Variants in RPTOR observed in about 807,000 individuals in gnomAD.
RPTOR encodes regulatory associated protein of MTOR complex 1.
RPTOR carries 21 observed loss-of-function variants against 169.9 expected under a neutral mutation model. That is an observed-to-expected ratio of 0.12 (90% CI 0.09 to 0.18). RPTOR has a LOEUF of 0.18. RPTOR is among the 10% of genes least tolerant of loss of function. The pLI is 1.00. For synonymous variants in RPTOR, 732 were observed against 753.2 expected (o/e 0.97, Z 0.46); for missense variants, 1,133 against 1,855.9 (o/e 0.61, Z 7.16).
rs1349652316 is a variant in RPTOR, at chr17:80,876,981, G to A, written c.1510-3434G>A. Among the ~76,000 whole-genome samples, 10 of 138,750 alleles carry A rather than the reference G, an allele frequency of 7.2e-5. No homozygotes were observed. The South Asian group carries it at 2.2e-3, about 30-fold the overall frequency. 91.0% of individuals were successfully genotyped at this position (138,750 alleles called of 152,430 possible). ...TGTGTCGCCTGCCGGGTCTTCCACC[G>A]AGCCCGTGCCATGCAGGGTGTGTGT... On this transcript the variant is annotated intron_variant, in intron 13 of 33. Coordinates refer to ENST00000306801, the MANE Select transcript of RPTOR (RefSeq NM_020761.3).
At chr17:80,678,136 A>G (rs1440036685) in intron 3 of RPTOR, among the ~76,000 whole-genome samples, 1 of 152,264 alleles carries the variant, frequency 6.6e-6, no homozygotes, top group East Asian at 1.9e-4. Context: ...GATGTTCTCC[A>G]TCTCCCCACT....
chr17:80,585,009 A>C (rs2065046986), intron 1 of RPTOR, among the ~76,000 whole-genome samples: 1 of 151,854 alleles, frequency 6.6e-6, no homozygotes, highest in South Asian at 2.1e-4. Flanking sequence ...CTTTCCCCCA[A>C]CTCTGTTACA....
chr17:80,696,651 G>A (rs946629559), intron 3 of RPTOR, among the ~76,000 whole-genome samples: 1 of 152,238 alleles, frequency 6.6e-6, no homozygotes, highest in African/African-American at 2.4e-5. Context: ...GGGCGCAGAA[G>A]GGACACAGGA....
chr17:80,755,745 A>G (rs1268789036), intron 6 of RPTOR, among the ~76,000 whole-genome samples: 13 of 150,564 alleles, frequency 8.6e-5, no homozygotes, highest in Non-Finnish European at 1.8e-4. Context: ...TCTCAAAAAA[A>G]AAAAAAAAAA....
rs2067711439 is a variant in RPTOR, at chr17:80,844,978, T to TG, written c.1213-1495_1213-1494insG. ...ATGGGAGAGAGAGGCTGGTAGTTGT[T>TG]TTTTTTTTTTTCTTTAATTCTTTGT... is the stretch of plus-strand genomic sequence containing the variant. On this transcript the variant is annotated intron_variant, in intron 10 of 33. Transcript: ENST00000306801. This position sits in a 1 kb window ranked among gnomAD's most constrained non-coding sequence, Gnocchi z 4.7. Among the ~76,000 whole-genome samples, 1 of 149,450 alleles carries TG rather than the reference T, an allele frequency of 6.7e-6. No homozygotes were observed. Among genetic ancestry groups the TG allele is most frequent in the Non-Finnish European group, 1.5e-5 (1 of 67,336 alleles).
chr17:80,634,515 G>GCGTACTGTGCA (rs2065479018), intron 2 of RPTOR, among the ~76,000 whole-genome samples: 1 of 148,138 alleles, frequency 6.8e-6, no homozygotes, highest in African/African-American at 2.6e-5. Context: ...TACTGTGTGT[G>GCGTACTGTGCA]TGTGCGTACT....
chr17:80,703,565 G>C (rs2143074849), intron 3 of RPTOR, among the ~76,000 whole-genome samples: 1 of 152,086 alleles, frequency 6.6e-6, no homozygotes, highest in East Asian at 1.9e-4. Context: ...GGATCAAGGA[G>C]ATATCCTTTA....
chr17:80,830,676 A>G lies in RPTOR; in HGVS notation c.1137-7246A>G, dbSNP rs534748253. Among the ~76,000 whole-genome samples the G allele has an allele frequency of 2.0e-5, 3 of 151,956 alleles. No homozygotes were observed. In the East Asian group the frequency reaches 5.8e-4, roughly 29 times the overall value. On this transcript the variant is annotated intron_variant, in intron 9 of 33. Coordinates refer to ENST00000306801, the MANE Select transcript of RPTOR (RefSeq NM_020761.3). Reference sequence around the variant, plus strand: ...CCAGTGGCTTCGAAAGGAGTTTGGTAGTTGAGGTGAGATCGCAGGTGCACT... The same window carrying G: ...CCAGTGGCTTCGAAAGGAGTTTGGTGGTTGAGGTGAGATCGCAGGTGCACT...
At chr17:80,850,545 G>A (rs545424873) in intron 11 of RPTOR, among the ~76,000 whole-genome samples, 1 of 152,262 alleles carries the variant, frequency 6.6e-6, no homozygotes, top group Non-Finnish European at 1.5e-5. Flanking sequence ...GAGTAGCTGG[G>A]ATATCAGGTG....
chr17:80,802,196 C>T (rs552391622), intron 7 of RPTOR: 1 of 152,296 alleles, frequency 6.6e-6, no homozygotes, highest in Non-Finnish European at 1.5e-5. Flanking sequence ...TACCCAAACC[C>T]TGGTATTTGT....
At chr17:80,568,919 C>T (rs2064874084) in intron 1 of RPTOR, among the ~76,000 whole-genome samples, 2 of 152,138 alleles carry the variant, frequency 1.3e-5, no homozygotes. Flanking sequence ...GCTGAAGTGA[C>T]CTCCCATGGT....
At chr17:80,660,987 C>T (rs545170047) in intron 3 of RPTOR, among the ~76,000 whole-genome samples, 28 of 152,340 alleles carry the variant, frequency 1.8e-4, no homozygotes, top group Non-Finnish European at 1.9e-4. Context: ...GGGGGTTTTC[C>T]TCTCCCTCTG....
rs947963596 is a variant in RPTOR at position 80,860,899 on chromosome 17, T to C, written c.1509+2999T>C. Among the ~76,000 whole-genome samples, 18 of 106,062 alleles carry C rather than the reference T, an allele frequency of 1.7e-4. 2 individuals are homozygous for C. Among genetic ancestry groups the C allele is most frequent in the Admixed American group, 8.2e-4 (9 of 10,980 alleles). 69.6% of individuals were successfully genotyped at this position (106,062 alleles called of 152,430 possible). On this transcript the variant is annotated intron_variant, in intron 13 of 33. Transcript: ENST00000306801. The surrounding 1 kb of genome is among the most constrained non-coding windows in gnomAD (Gnocchi z 5.8). ...TCTCTCCCAGCTGCTCCTGATTTCC[T>C]GAGCTGGATGCGGGGAGCTGCTGCT...
At chr17:80,600,229 T>A (rs1244994181) in intron 1 of RPTOR, among the ~76,000 whole-genome samples, 1 of 152,172 alleles carries the variant, frequency 6.6e-6, no homozygotes, top group Non-Finnish European at 1.5e-5. Context: ...TGTCTCTTTA[T>A]GGGTGTGGCT....
chr17:80,578,289 AG>A (rs765495368), intron 1 of RPTOR, among the ~76,000 whole-genome samples: 12 of 152,146 alleles, frequency 7.9e-5, no homozygotes, highest in Non-Finnish European at 1.5e-5. Flanking sequence ...CTGAGTTTCA[AG>A]GGAGGAAATT....
chr17:80,741,118 T>C (rs1394140350), intron 5 of RPTOR, among the ~76,000 whole-genome samples: 3 of 152,166 alleles, frequency 2.0e-5, no homozygotes, highest in African/African-American at 7.2e-5. Context: ...CAGAAGATAG[T>C]CTGGCAAGGT....
At chr17:80,906,110 T>C (rs1175131802) in intron 20 of RPTOR, among the ~76,000 whole-genome samples, 2 of 151,966 alleles carry the variant, frequency 1.3e-5, no homozygotes, top group African/African-American at 4.8e-5. Context: ...GTCGTGGAGC[T>C]AGGCGGTAGC....
chr17:80,956,524 CCT>C (rs1383668011), intron 28 of RPTOR, among the ~76,000 whole-genome samples: 3 of 152,256 alleles, frequency 2.0e-5, no homozygotes, highest in Non-Finnish European at 4.4e-5. Context: ...ATGCCGAGCT[CCT>C]GTTTGTCTCA....
intron 4 of RPTOR, among the ~76,000 whole-genome samples, chr17:80,729,865 C>T (rs1008476118): frequency 6.6e-6 from 1 of 151,982 alleles, no homozygotes; most frequent in South Asian, 2.1e-4. Context: ...GGCCCCGCGG[C>T]GGGAACTGAG....
Sources: gnomAD v4.1 joint callset for allele counts (sites outside exome capture counted in the v4.1 genomes callset) on GRCh38, gnomAD v4.1.1 for gene constraint, Gnocchi (gnomAD v3.1) non-coding constraint, MANE v1.5 for transcripts, NCBI Gene and HGNC (gene_info 2026-07-23, HGNC 2026-07-21) for gene names.